Variants in DLGAP2 observed in about 807,000 individuals in gnomAD.
DLGAP2 encodes disks large-associated protein 2.
DLGAP2 carries 26 observed loss-of-function variants against 100.3 expected under a neutral mutation model. That is an observed-to-expected ratio of 0.26 (90% CI 0.19 to 0.36). The LOEUF is 0.36. DLGAP2 is among the 10% of genes least tolerant of loss of function. The pLI, the probability that DLGAP2 is intolerant of heterozygous loss-of-function variation, is 1.00. For synonymous variants in DLGAP2, 886 were observed against 630.1 expected, an observed-to-expected ratio of 1.41 and a Z score of -6.08; for missense variants, 1,858 against 1,453.2, an observed-to-expected ratio of 1.28 and a Z score of -4.53.
chr8:980,609 C>T (rs764347366), intron 2 of DLGAP2, among the ~76,000 whole-genome samples: 1 of 152,188 alleles, frequency 6.6e-6, no homozygotes, highest in Non-Finnish European at 1.5e-5. Flanking sequence ...GCGCTGAACT[C>T]TGTTGACACA....
chr8:1,373,131 G>C (rs1408241451), intron 3 of DLGAP2, among the ~76,000 whole-genome samples: 1 of 152,216 alleles, frequency 6.6e-6, no homozygotes, highest in Non-Finnish European at 1.5e-5. Context: ...CAGCATGTGG[G>C]GCGGGGGCGT....
At chr8:939,988 C>T (rs932033920) in intron 2 of DLGAP2, among the ~76,000 whole-genome samples, 1 of 151,984 alleles carries the variant, frequency 6.6e-6, no homozygotes, top group African/African-American at 2.4e-5. Context: ...CCCAACTGCC[C>T]ATGAGAGAAT....
At chr8:973,001 C>G (rs1209420361) in intron 2 of DLGAP2, among the ~76,000 whole-genome samples, 2 of 152,230 alleles carry the variant, frequency 1.3e-5, no homozygotes, top group African/African-American at 2.4e-5. Flanking sequence ...AAAATGGAGT[C>G]CCCTATGTCT....
intron 12 of DLGAP2, among the ~76,000 whole-genome samples, chr8:1,684,955 T>C (rs1381481251): frequency 1.3e-5 from 2 of 152,102 alleles, no homozygotes; most frequent in East Asian, 3.9e-4. Context: ...AAGTAACGAA[T>C]AACCTACATG....
intron 2 of DLGAP2, among the ~76,000 whole-genome samples, chr8:1,161,235 C>T (rs1050448792): frequency 1.3e-5 from 2 of 152,098 alleles, no homozygotes; most frequent in Admixed American, 6.6e-5. Context: ...ATGGATAGAA[C>T]CATCAGCTGG....
intron 3 of DLGAP2, among the ~76,000 whole-genome samples, chr8:1,420,833 C>T (rs1797069335): frequency 6.6e-6 from 1 of 152,178 alleles, no homozygotes; most frequent in South Asian, 2.1e-4. Flanking sequence ...CTATTGGTGC[C>T]ATTTCAGAGG....
chr8:1,199,685 T>G (rs1424212709), intron 2 of DLGAP2, among the ~76,000 whole-genome samples: 1 of 151,580 alleles, frequency 6.6e-6, no homozygotes, highest in Non-Finnish European at 1.5e-5. Flanking sequence ...TGATGGAGAG[T>G]CTTATGGGTA....
chr8:1,484,042 A>G (rs1799176271), intron 3 of DLGAP2, among the ~76,000 whole-genome samples: 1 of 152,264 alleles, frequency 6.6e-6, no homozygotes, highest in South Asian at 2.1e-4. Flanking sequence ...AGAGGACCAC[A>G]GCAGTCCATG....
At chr8:1,097,742 G>A (rs1442435423) in intron 2 of DLGAP2, among the ~76,000 whole-genome samples, 1 of 133,734 alleles carries the variant, frequency 7.5e-6, no homozygotes, top group Non-Finnish European at 1.6e-5. Flanking sequence ...GTCGAGCTGG[G>A]AGCCTAGGGC....
chr8:1,510,967 A>G (rs77992304), intron 4 of DLGAP2, among the ~76,000 whole-genome samples: 3,075 of 152,342 alleles, frequency 0.02, 127 homozygotes, highest in African/African-American at 0.07. Flanking sequence ...CCCTTTGCTA[A>G]TGAGTTAGGC....
At chr8:1,191,217 G>C (rs569068198) in intron 2 of DLGAP2, among the ~76,000 whole-genome samples, 1 of 139,678 alleles carries the variant, frequency 7.2e-6, no homozygotes, top group Non-Finnish European at 1.6e-5. Flanking sequence ...TGTCACCCAG[G>C]CTGGAGTACA....
At chr8:1,369,068 G>A (rs985395212) in intron 3 of DLGAP2, 3 of 152,110 alleles carry the variant, frequency 2.0e-5, no homozygotes, top group Admixed American at 1.3e-4. Flanking sequence ...GCCCCTTCCT[G>A]CTTGGAGCTT....
At chr8:1,302,991 C>T (rs1477166754) in intron 3 of DLGAP2, among the ~76,000 whole-genome samples, 3 of 152,212 alleles carry the variant, frequency 2.0e-5, no homozygotes, top group African/African-American at 7.2e-5. Flanking sequence ...CCTTAGCTGT[C>T]GGCTGCAGGC....
At chr8:1,662,613 T>G (rs1189909488) in intron 8 of DLGAP2, among the ~76,000 whole-genome samples, 2 of 152,266 alleles carry the variant, frequency 1.3e-5, no homozygotes, top group Non-Finnish European at 2.9e-5. Context: ...ATTTTTCTTG[T>G]GGGCTGATGT....
chr8:1,493,197 T>C lies in DLGAP2; in HGVS notation c.107-8169T>C, dbSNP rs12543165. Among the ~76,000 whole-genome samples the C allele has an allele frequency of 5.1e-3, 782 of 152,258 alleles. 2 individuals carry two copies. The highest frequency in any genetic ancestry group is 8.1e-3 in the Non-Finnish European group (553 of 68,010). On this transcript the variant is annotated intron_variant, in intron 3 of 14. Coordinates refer to ENST00000637795, the MANE Select transcript of DLGAP2 (RefSeq NM_001346810.2). Reference sequence around the variant, plus strand: ...TGCCCTAGGAACCCAGATGGCTGCCTTCATCTCCGCAGCTCTGAGACGCGC... The same window carrying C: ...TGCCCTAGGAACCCAGATGGCTGCCCTCATCTCCGCAGCTCTGAGACGCGC...
intron 2 of DLGAP2, among the ~76,000 whole-genome samples, chr8:942,140 G>T (rs953238619): frequency 6.6e-6 from 1 of 152,180 alleles, no homozygotes; most frequent in Non-Finnish European, 1.5e-5. Flanking sequence ...TAGAGATGGG[G>T]TCTTGCACTG....
At chr8:889,440 T>TAGG (rs1563081186) in intron 1 of DLGAP2, among the ~76,000 whole-genome samples, 1 of 152,146 alleles carries the variant, frequency 6.6e-6, no homozygotes, top group Non-Finnish European at 1.5e-5. Context: ...ACCCTGCAGC[T>TAGG]AGGGGCTCAG....
At chr8:1,168,722 G>A (rs1448402579) in intron 2 of DLGAP2, among the ~76,000 whole-genome samples, 3 of 143,726 alleles carry the variant, frequency 2.1e-5, no homozygotes, top group Admixed American at 7.0e-5. Context: ...ACTTTTTGAT[G>A]GGGTTGTTTG....
intron 3 of DLGAP2, among the ~76,000 whole-genome samples, chr8:1,391,995 T>G (rs1312951063): frequency 1.3e-5 from 2 of 152,184 alleles, no homozygotes; most frequent in African/African-American, 4.8e-5. Context: ...AACCAGGTCG[T>G]AGGACTGAGA....
Sources: allele counts gnomAD v4.1 joint callset (sites outside exome capture counted in the v4.1 genomes callset), GRCh38; gene constraint gnomAD v4.1.1; transcripts MANE v1.5; gene names NCBI Gene and HGNC (gene_info 2026-07-23, HGNC 2026-07-21).